The following DMXL1 variants were observed in gnomAD, a reference collection of about 807,000 sequenced individuals.
DMXL1 encodes Dmx like 1.
Under a neutral mutation model 319.2 loss-of-function variants are expected in DMXL1, and 99 were observed. The observed-to-expected ratio is 0.31, with a 90% CI of 0.26 to 0.37. The LOEUF (loss-of-function observed/expected upper bound fraction) is 0.37, where lower values mean the gene tolerates loss of function less well. Among genes scored for constraint, DMXL1 ranks in the 10% least tolerant of loss-of-function variants. DMXL1 has a pLI of 1.00. For synonymous variants in DMXL1, 1,385 were observed against 1,235.2 expected, an observed-to-expected ratio of 1.12 and a Z score of -2.54; for missense variants, 3,745 against 3,595.6, an observed-to-expected ratio of 1.04 and a Z score of -1.06.
At chr5:119,182,221 C>T (rs1032148124) in intron 28 of DMXL1, among the ~76,000 whole-genome samples, 1 of 152,100 alleles carries the variant, frequency 6.6e-6, no homozygotes, top group South Asian at 2.1e-4. Context: ...TGACTTGAAT[C>T]CAGTTAAAAT....
At chr5:119,088,452 G>A (rs887307821) in intron 1 of DMXL1, among the ~76,000 whole-genome samples, 1 of 152,108 alleles carries the variant, frequency 6.6e-6, no homozygotes, top group Non-Finnish European at 1.5e-5. Flanking sequence ...ACATTGTGTT[G>A]TTAGGTTGCT....
In DMXL1 at chr5:119,148,665, A is replaced by G. The variant is rs577379399; in HGVS notation, c.2912-74A>G. On this transcript the variant is annotated intron_variant, in intron 17 of 43. Transcript: ENST00000539542. ...TTTATAGTAGTTAATACAAAAGACT[A>G]AAATCGTAAGTACATAAAAACAGAA... 24 of 1,445,598 alleles carry G rather than the reference A, an allele frequency of 1.7e-5. No individual in the cohort carries two copies. In the East Asian group the frequency reaches 4.8e-4, roughly 29 times the overall value. 89.5% of individuals were successfully genotyped at this position (1,445,598 alleles called of 1,614,324 possible).
At chr5:119,086,822 C>A (rs1268195555) in intron 1 of DMXL1, among the ~76,000 whole-genome samples, 1 of 151,548 alleles carries the variant, frequency 6.6e-6, no homozygotes, top group Non-Finnish European at 1.5e-5. Context: ...GCAGTGAAGC[C>A]ATAGGTCCTG....
intron 28 of DMXL1, among the ~76,000 whole-genome samples, chr5:119,187,673 T>C (rs1467459211): frequency 6.6e-6 from 1 of 152,194 alleles, no homozygotes; most frequent in African/African-American, 2.4e-5. Context: ...TTTGTTGTTG[T>C]TGTTTTTGAG....
At chr5:119,236,365 A>C (rs1787755666) in intron 39 of DMXL1, 1 of 152,088 alleles carries the variant, frequency 6.6e-6, no homozygotes, top group South Asian at 2.1e-4. Flanking sequence ...TCTATCCTAC[A>C]TAATTATGCA....
At chr5:119,202,887 A>ATATATATATATATATATATTTT (rs1781031905) in intron 32 of DMXL1, among the ~76,000 whole-genome samples, 1 of 111,634 alleles carries the variant, frequency 9.0e-6, no homozygotes, top group African/African-American at 3.5e-5. Context: ...ATATATTTTT[A>ATATATATATATATATATATTTT]TATATATATA....
intron 19 of DMXL1, among the ~76,000 whole-genome samples, chr5:119,153,795 C>CT (rs776992946): frequency 6.6e-6 from 1 of 152,298 alleles, no homozygotes; most frequent in East Asian, 1.9e-4. Context: ...AGGCATACTC[C>CT]TTTTTATTGT....
intron 28 of DMXL1, among the ~76,000 whole-genome samples, chr5:119,184,416 T>A (rs1485621761): frequency 2.6e-5 from 4 of 152,204 alleles, no homozygotes; most frequent in African/African-American, 7.2e-5. Flanking sequence ...ATCTCTCTCT[T>A]CAACCCAGTT....
At chr5:119,198,736 C>T (rs1264979614) in intron 32 of DMXL1, among the ~76,000 whole-genome samples, 2 of 152,176 alleles carry the variant, frequency 1.3e-5, no homozygotes, top group African/African-American at 2.4e-5. Context: ...TACTACAAAG[C>T]AACAGTAACC....
chr5:119,137,314 A>G (rs1766235401), intron 13 of DMXL1, among the ~76,000 whole-genome samples: 1 of 152,230 alleles, frequency 6.6e-6, no homozygotes, highest in South Asian at 2.1e-4. Flanking sequence ...TGTATCTTGG[A>G]AGTAACCAAC....
chr5:119,245,788 T>A (rs1018557493), intron 43 of DMXL1, among the ~76,000 whole-genome samples: 6 of 152,096 alleles, frequency 3.9e-5, no homozygotes, highest in Non-Finnish European at 7.4e-5. Flanking sequence ...TCCGCCTGCC[T>A]GCCTCTGCCT....
At chr5:119,198,420 A>T (rs561721553) in intron 32 of DMXL1, among the ~76,000 whole-genome samples, 1 of 152,350 alleles carries the variant, frequency 6.6e-6, no homozygotes, top group East Asian at 1.9e-4. Flanking sequence ...TTTTTGTCCA[A>T]TAAACTTTAT....
chr5:119,125,067 A>C (rs1206685334), intron 9 of DMXL1, among the ~76,000 whole-genome samples: 1 of 152,220 alleles, frequency 6.6e-6, no homozygotes, highest in Non-Finnish European at 1.5e-5. Context: ...CAATAGATAC[A>C]TTAAATTTAC....
intron 1 of DMXL1, among the ~76,000 whole-genome samples, chr5:119,079,371 T>C (rs1343848411): frequency 6.6e-6 from 1 of 152,242 alleles, no homozygotes; most frequent in Non-Finnish European, 1.5e-5. Flanking sequence ...GTGGATCTTA[T>C]CTATTCAGGC....
At chr5:119,241,565 C>T (rs1057150626) in intron 42 of DMXL1, among the ~76,000 whole-genome samples, 1 of 149,738 alleles carries the variant, frequency 6.7e-6, no homozygotes, top group Non-Finnish European at 1.5e-5. Flanking sequence ...GATGAATTAT[C>T]TGTCTGAAAT....
intron 21 of DMXL1, among the ~76,000 whole-genome samples, chr5:119,165,793 G>A (rs979372004): frequency 4.6e-5 from 7 of 152,194 alleles, no homozygotes; most frequent in Non-Finnish European, 8.8e-5. Flanking sequence ...ACTATCACAA[G>A]AATAGCATGG....
At chr5:119,241,445 G>A (rs1434236850) in intron 42 of DMXL1, among the ~76,000 whole-genome samples, 1 of 149,938 alleles carries the variant, frequency 6.7e-6, no homozygotes, top group Non-Finnish European at 1.5e-5. Context: ...TGAGGCAGGA[G>A]AATGGTGTGA....
Position 119,149,394 on chromosome 5 carries a change from C to A in DMXL1, c.3567C>A (p.Thr1189=), listed in dbSNP as rs1213761259. 1 of 1,613,764 alleles carries A rather than the reference C, an allele frequency of 6.2e-7. No homozygotes were observed. The highest frequency in any genetic ancestry group is 8.5e-7 in the Non-Finnish European group (1 of 1,179,874). The change falls in exon 18 of 44, where the codon ACC becomes ACA. Residue 1189 remains threonine (T), a synonymous_variant. Transcript: ENST00000539542. ...ETLAFPLWES[T]KVVPLSKFVL... Reference sequence around the variant, plus strand: ...TGGCATTTCCTCTCTGGGAGAGTACCAAAGTTGTGCCCCTTTCTAAATTTG... The same window carrying A: ...TGGCATTTCCTCTCTGGGAGAGTACAAAAGTTGTGCCCCTTTCTAAATTTG...
At chr5:119,186,235 G>A (rs1326862851) in intron 28 of DMXL1, among the ~76,000 whole-genome samples, 1 of 152,124 alleles carries the variant, frequency 6.6e-6, no homozygotes, top group Non-Finnish European at 1.5e-5. Context: ...GAAATAGAGA[G>A]TGAGACCTGC....
Sources: allele counts gnomAD v4.1 joint callset (sites outside exome capture counted in the v4.1 genomes callset), GRCh38; gene constraint gnomAD v4.1.1; transcripts MANE v1.5; gene names NCBI Gene and HGNC (gene_info 2026-07-23, HGNC 2026-07-21).